Variants in CEACAM21 observed in about 807,000 individuals in gnomAD.
The protein encoded by CEACAM21 is CEA cell adhesion molecule 21, also known as cell adhesion molecule CEACAM21.
CEACAM21 carries 38 observed loss-of-function variants against 33.2 expected under a neutral mutation model. The observed-to-expected ratio is 1.14, with a 90% CI of 0.88 to 1.50. The LOEUF (loss-of-function observed/expected upper bound fraction) is 1.50. CEACAM21 is among the 40% of genes most tolerant of loss of function. CEACAM21 has a pLI of 0.00. For synonymous variants in CEACAM21, 156 were observed against 143.0 expected (o/e 1.09, Z -0.65); for missense variants, 385 against 364.6 (o/e 1.06, Z -0.46).
At chr19:41,567,769 G>A (rs1245085169) in intron 2 of CEACAM21, among the ~76,000 whole-genome samples, 2 of 152,110 alleles carry the variant, frequency 1.3e-5, no homozygotes, top group Non-Finnish European at 2.9e-5. Context: ...GGCAAAGTTT[G>A]GTCTAAGACT....
chr19:41,557,795 G>A (rs183287648), intron 1 of CEACAM21, among the ~76,000 whole-genome samples: 1 of 152,296 alleles, frequency 6.6e-6, no homozygotes. Flanking sequence ...GAAGTGGGAG[G>A]ATGTAGGTTA....
chr19:41,579,236 C>T (rs782800192), intron 2 of CEACAM21, 117 bp from the exon 3 acceptor site: 7 of 1,546,860 alleles, frequency 4.5e-6, no homozygotes, highest in Non-Finnish European at 5.3e-6. Context: ...CTCTCTGCTC[C>T]TCCCTGTCCT....
upstream of CEACAM21, among the ~76,000 whole-genome samples, chr19:41,574,793 A>G (rs1163156260): frequency 6.6e-6 from 1 of 152,198 alleles, no homozygotes; most frequent in Non-Finnish European, 1.5e-5. Context: ...TTTCTCAAAA[A>G]CTTAAACATA....
At chr19:41,584,071 G>A (rs906482027) in intron 3 of CEACAM21, among the ~76,000 whole-genome samples, 2 of 152,222 alleles carry the variant, frequency 1.3e-5, no homozygotes, top group South Asian at 2.1e-4. Context: ...AGTGATGTGA[G>A]AGGAAGGAGG....
chr19:41,571,270 CTT>C (rs2042595928), upstream of CEACAM21, among the ~76,000 whole-genome samples: 1 of 152,150 alleles, frequency 6.6e-6, no homozygotes, highest in African/African-American at 2.4e-5. Context: ...AGAGTAGAAA[CTT>C]ATATCTTCAA....
At chr19:41,570,058 C>T (rs980986646) in intron 2 of CEACAM21, among the ~76,000 whole-genome samples, 1 of 152,194 alleles carries the variant, frequency 6.6e-6, no homozygotes, top group Non-Finnish European at 1.5e-5. Context: ...AGGACTCAGC[C>T]TCCAGGCGGC....
upstream of CEACAM21, chr19:41,576,159 G>A: frequency 1.6e-6 from 2 of 1,250,914 alleles, no homozygotes; most frequent in Non-Finnish European, 2.3e-6. Context: ...CTGAGAGGAA[G>A]CTCAGCATAG....
At chr19:41,572,042 G>GA (rs1243237648), upstream of CEACAM21, among the ~76,000 whole-genome samples, 2 of 151,566 alleles carry the variant, frequency 1.3e-5, no homozygotes, top group Non-Finnish European at 2.9e-5. Flanking sequence ...TAGAAATAGA[G>GA]AAAAAATGCA....
At chr19:41,585,003 A>G (rs2070618199) in intron 4 of CEACAM21, among the ~76,000 whole-genome samples, 1 of 152,204 alleles carries the variant, frequency 6.6e-6, no homozygotes, top group Admixed American at 6.5e-5. Flanking sequence ...CCATTTCAGC[A>G]TCTCCAGCCC....
intron 2 of CEACAM21, among the ~76,000 whole-genome samples, chr19:41,570,326 C>T (rs561645437): frequency 6.6e-6 from 1 of 152,254 alleles, no homozygotes; most frequent in South Asian, 2.1e-4. Context: ...GCTGTCGCTC[C>T]TAATATGGCT....
chr19:41,559,880 G>A (rs566329172), intron 1 of CEACAM21, among the ~76,000 whole-genome samples: 9 of 152,282 alleles, frequency 5.9e-5, no homozygotes, highest in East Asian at 1.9e-4. Context: ...AGGCTGAGGC[G>A]GGAGGATCTA....
rs2042385776 is a variant in CEACAM21 at position 41,568,172 on chromosome 19, T to G, written c.-404+3116T>G. Among the ~76,000 whole-genome samples the G allele has an allele frequency of 2.0e-5, 3 of 151,658 alleles. No homozygotes were observed. In the South Asian group the frequency reaches 6.2e-4, roughly 32 times the overall value. On this transcript the variant is annotated intron_variant, in intron 2 of 7. Transcript: ENST00000407170. ...GGATATTATCTTCTTATCAGATGTA[T>G]ATATTTACAAATATATATGTATATA...
intron 1 of CEACAM21, among the ~76,000 whole-genome samples, chr19:41,561,330 A>C (rs548592344): frequency 6.6e-6 from 1 of 152,250 alleles, no homozygotes; most frequent in Admixed American, 6.5e-5. Flanking sequence ...TTGTAATAGC[A>C]AGCTAGGAAG....
At chr19:41,583,203 T>C (rs1555794021) in intron 3 of CEACAM21, among the ~76,000 whole-genome samples, 1 of 152,196 alleles carries the variant, frequency 6.6e-6, no homozygotes, top group African/African-American at 2.4e-5. Context: ...CACCAATCTC[T>C]TTTCTAGAGT....
At chr19:41,572,715 C>T (rs1268262790), upstream of CEACAM21, among the ~76,000 whole-genome samples, 4 of 152,176 alleles carry the variant, frequency 2.6e-5, no homozygotes, top group African/African-American at 9.7e-5. Flanking sequence ...CCAGCATGTG[C>T]ACTGTGAGCA....
chr19:41,569,108 T>C (rs538465593), intron 2 of CEACAM21, among the ~76,000 whole-genome samples: 1 of 152,376 alleles, frequency 6.6e-6, no homozygotes, highest in Admixed American at 6.5e-5. Context: ...ATTGTATTCT[T>C]TTTCAGATAA....
upstream of CEACAM21, among the ~76,000 whole-genome samples, chr19:41,572,746 A>G (rs782746692): frequency 5.9e-5 from 9 of 152,172 alleles, no homozygotes; most frequent in South Asian, 6.2e-4. Context: ...CCCTGAATTC[A>G]TGACCACCCA....
chr19:41,558,563 C>A (rs1478167823), intron 1 of CEACAM21, among the ~76,000 whole-genome samples: 2 of 152,184 alleles, frequency 1.3e-5, no homozygotes, highest in Non-Finnish European at 1.5e-5. Context: ...AGGAGAATCA[C>A]TTTAACCCAG....
Position 41,585,551 on chromosome 19 carries a change from G to T in CEACAM21, c.850+56G>T, listed in dbSNP as rs2070671654. 6 of 1,575,642 alleles carry T rather than the reference G, an allele frequency of 3.8e-6. No individual in the cohort carries two copies. The Admixed American group carries it at 1.0e-4, about 26-fold the overall frequency. On this transcript the variant is annotated intron_variant, in intron 5 of 6. Transcript: ENST00000401445. ...GGAACTACTAAGCCAGCCCCAAGTT[G>T]TCCACTCCTGCCAGTTACACCCAGG...
Sources: gnomAD v4.1 joint callset for allele counts (sites outside exome capture counted in the v4.1 genomes callset) on GRCh38, gnomAD v4.1.1 for gene constraint, MANE v1.5 for transcripts, NCBI Gene and HGNC (gene_info 2026-07-23, HGNC 2026-07-21) for gene names.